Variants in AGBL1 observed in about 807,000 individuals in gnomAD.
AGBL1 encodes the protein AGBL carboxypeptidase 1.
In AGBL1, 130 loss-of-function variants were observed where a neutral mutation model predicts 118.9. The observed-to-expected ratio is 1.09, with a 90% CI of 0.95 to 1.26. The LOEUF (loss-of-function observed/expected upper bound fraction) is 1.26, where lower values mean the gene tolerates loss of function less well. Ranked by LOEUF, AGBL1 falls within the 50% of genes most tolerant of loss-of-function variation. The probability of loss-of-function intolerance (pLI) is 0.00; values close to 1 mark genes in which losing one functional copy is unlikely to be tolerated. For synonymous variants in AGBL1, 555 were observed against 478.9 expected (o/e 1.16, Z -2.08); for missense variants, 1,584 against 1,298.1 (o/e 1.22, Z -3.38).
At chr15:86,406,259 A>G (rs1318615289) in intron 18 of AGBL1, among the ~76,000 whole-genome samples, 2 of 152,162 alleles carry the variant, frequency 1.3e-5, no homozygotes, top group Non-Finnish European at 2.9e-5. Context: ...GGCAGAACCT[A>G]CTGTCAACTG....
intron 1 of AGBL1, among the ~76,000 whole-genome samples, chr15:86,091,921 C>T (rs1896053965): frequency 6.6e-6 from 1 of 152,082 alleles, no homozygotes; most frequent in African/African-American, 2.4e-5. Context: ...GATGGATCAA[C>T]TAAAATGTTA....
chr15:86,976,095 A>G (rs923656434), intron 23 of AGBL1, among the ~76,000 whole-genome samples: 11 of 151,922 alleles, frequency 7.2e-5, no homozygotes, highest in African/African-American at 2.4e-4. Context: ...TTATAAAAGT[A>G]TGAATAGGAT....
At chr15:86,873,294 A>G (rs1236137307) in intron 22 of AGBL1, among the ~76,000 whole-genome samples, 1 of 152,138 alleles carries the variant, frequency 6.6e-6, no homozygotes, top group Admixed American at 6.5e-5. Flanking sequence ...TTGATTTCTG[A>G]GCAAATTCTC....
chr15:86,206,288 C>T (rs1439076737), intron 5 of AGBL1, among the ~76,000 whole-genome samples: 1 of 152,142 alleles, frequency 6.6e-6, no homozygotes, highest in Non-Finnish European at 1.5e-5. Flanking sequence ...GTGCATGTAT[C>T]TTCATAGTAG....
intron 20 of AGBL1, among the ~76,000 whole-genome samples, chr15:86,552,920 A>G (rs1020873596): frequency 1.6e-4 from 25 of 151,836 alleles, no homozygotes; most frequent in African/African-American, 6.0e-4. Context: ...TAATTATGCT[A>G]ATATATTTAT....
intron 22 of AGBL1, among the ~76,000 whole-genome samples, chr15:86,748,500 T>C (rs1362923163): frequency 7.3e-6 from 1 of 136,532 alleles, no homozygotes; most frequent in Non-Finnish European, 1.6e-5. Context: ...ATCCCATTTG[T>C]CAATTTTGGC....
At chr15:86,153,283 T>C (rs189310051) in intron 3 of AGBL1, among the ~76,000 whole-genome samples, 1,951 of 152,290 alleles carry the variant, frequency 0.013, 24 homozygotes, top group East Asian at 0.062. Context: ...AATGATAGAC[T>C]GGATTAAGAA....
intron 21 of AGBL1, among the ~76,000 whole-genome samples, chr15:86,638,351 A>G (rs1391662278): frequency 6.6e-6 from 1 of 152,226 alleles, no homozygotes; most frequent in Non-Finnish European, 1.5e-5. Flanking sequence ...GGCTCTTTGT[A>G]ATGATCTTCC....
chr15:86,767,213 A>G (rs16977968), intron 22 of AGBL1, among the ~76,000 whole-genome samples: 13,517 of 151,944 alleles, frequency 0.089, 786 homozygotes, highest in Non-Finnish European at 0.12. Flanking sequence ...CTGAGAATCT[A>G]TGGAACTAGA....
chr15:86,738,877 G>T (rs536134014), intron 22 of AGBL1, among the ~76,000 whole-genome samples: 1 of 152,054 alleles, frequency 6.6e-6, no homozygotes, highest in South Asian at 2.1e-4. Context: ...GGTGGCTCAC[G>T]CCTGTAATCT....
intron 7 of AGBL1, among the ~76,000 whole-genome samples, chr15:86,248,092 T>C (rs1200488267): frequency 6.6e-6 from 1 of 152,130 alleles, no homozygotes; most frequent in Non-Finnish European, 1.5e-5. Context: ...CCGAGGCAGG[T>C]GATCACCTGA....
chr15:86,974,822 T>A (rs1222564204), intron 23 of AGBL1, among the ~76,000 whole-genome samples: 1 of 151,920 alleles, frequency 6.6e-6, no homozygotes, highest in African/African-American at 2.4e-5. Context: ...TGGAATTTAC[T>A]GTATGTTGGC....
At chr15:86,622,352 A>G (rs1320398013) in intron 21 of AGBL1, among the ~76,000 whole-genome samples, 2 of 150,658 alleles carry the variant, frequency 1.3e-5, no homozygotes, top group African/African-American at 2.4e-5. Context: ...AAAAGGGGGT[A>G]GGGGGTCCAC....
chr15:86,460,152 T>A (rs1304228060), intron 18 of AGBL1, among the ~76,000 whole-genome samples: 1 of 151,666 alleles, frequency 6.6e-6, no homozygotes, highest in African/African-American at 2.4e-5. Flanking sequence ...TGCAGCTACT[T>A]AGATGTCAAG....
At chr15:86,758,586 T>G (rs186467443) in intron 22 of AGBL1, among the ~76,000 whole-genome samples, 1 of 152,216 alleles carries the variant, frequency 6.6e-6, no homozygotes, top group East Asian at 1.9e-4. Flanking sequence ...GTTGAAAGTT[T>G]GAATGAATGC....
At chr15:86,534,203 C>T (rs1286464381) in intron 19 of AGBL1, among the ~76,000 whole-genome samples, 1 of 148,320 alleles carries the variant, frequency 6.7e-6, no homozygotes. Flanking sequence ...TACAAGGAAA[C>T]TGGAGTGGTA....
At chr15:86,988,181 A>G (rs2081303025) in intron 24 of AGBL1, 1 of 1,470,880 alleles carries the variant, frequency 6.8e-7, no homozygotes, top group Non-Finnish European at 9.2e-7. Flanking sequence ...CTGGACAAAG[A>G]GAAAGTAAAT....
chr15:86,507,333 A>G (rs2082989811), intron 18 of AGBL1, among the ~76,000 whole-genome samples: 1 of 152,142 alleles, frequency 6.6e-6, no homozygotes, highest in African/African-American at 2.4e-5. Context: ...AAAGGAAAAT[A>G]TACTCAGACC....
At chr15:86,289,459 C>A (rs187073501) in intron 16 of AGBL1, among the ~76,000 whole-genome samples, 3 of 152,272 alleles carry the variant, frequency 2.0e-5, no homozygotes, top group East Asian at 3.9e-4. Flanking sequence ...ATAACAGATG[C>A]TCTTCACATA....
Sources: gnomAD v4.1 joint callset for allele counts (sites outside exome capture counted in the v4.1 genomes callset) on GRCh38, gnomAD v4.1.1 for gene constraint, MANE v1.5 for transcripts, NCBI Gene and HGNC (gene_info 2026-07-23, HGNC 2026-07-21) for gene names.